Variants in TEX36 observed in about 807,000 individuals in gnomAD.
The protein encoded by TEX36 is testis-expressed protein 36.
A neutral mutation model predicts 13.6 loss-of-function variants in TEX36; 12 were observed. That is an observed-to-expected ratio of 0.88 (90% CI 0.56 to 1.43). The LOEUF (loss-of-function observed/expected upper bound fraction) is 1.43. TEX36 is among the 40% of genes most tolerant of loss of function. The pLI is 0.00. For missense variants in TEX36, 224 were observed against 228.3 expected (o/e 0.98, Z 0.12); for synonymous variants, 93 against 83.0 (o/e 1.12, Z -0.65).
chr10:125,602,783 A>G (rs1846165500), intron 3 of TEX36, among the ~76,000 whole-genome samples: 1 of 152,222 alleles, frequency 6.6e-6, no homozygotes, highest in Non-Finnish European at 1.5e-5. Context: ...ATGTGTTTAT[A>G]TTTCTATGCC....
rs201603866 is a variant in TEX36 at position 125,597,342 on chromosome 10, G to GA, written c.265-20469dup. On this transcript the variant is annotated intron_variant, in intron 3 of 3. Transcript: ENST00000532135. ...CTTGGGTCTGCTCACCCAGTGCACA[G>GA]AAAAAAAAACACTCACATGGGCATT... Among the ~76,000 whole-genome samples, 40 of 150,436 alleles carry GA rather than the reference G, an allele frequency of 2.7e-4. 1 individual carries two copies. In the East Asian group the frequency reaches 3.3e-3, roughly 12 times the overall value.
chr10:125,652,300 T>A (rs1027111548), downstream of TEX36, among the ~76,000 whole-genome samples: 1 of 152,038 alleles, frequency 6.6e-6, no homozygotes, highest in Non-Finnish European at 1.5e-5. Flanking sequence ...TATAGACCAA[T>A]GGAACAGAAC....
At position 125,665,760 on chromosome 10, in the gene TEX36, A is replaced by G. The variant is rs1312765617; in HGVS notation, c.52-3783T>C. On this transcript the variant is annotated intron_variant, in intron 1 of 3. Transcript: ENST00000368821. ...TGTGAAGAATGACATTGGTATTTTG[A>G]TAGAGGTTGCATTGAACCTGTAGAT... is the stretch of plus-strand genomic sequence containing the variant. Among the ~76,000 whole-genome samples the G allele has an allele frequency of 2.0e-5, 3 of 152,188 alleles. No homozygotes were observed. The East Asian group carries it at 5.8e-4, about 29-fold the overall frequency.
At chr10:125,637,239 G>A (rs560066346) in intron 3 of TEX36, among the ~76,000 whole-genome samples, 11 of 151,760 alleles carry the variant, frequency 7.2e-5, no homozygotes, top group African/African-American at 2.7e-4. Flanking sequence ...AGCCTGAGAA[G>A]TCGAGGCTGC....
intron 1 of TEX36, among the ~76,000 whole-genome samples, chr10:125,676,724 G>T (rs972254471): frequency 7.2e-5 from 11 of 152,096 alleles, no homozygotes; most frequent in Admixed American, 7.2e-4. Flanking sequence ...GCTTGTCATT[G>T]TGGTTCGGTG....
chr10:125,641,620 A>G (rs1479637392), intron 3 of TEX36, among the ~76,000 whole-genome samples: 1 of 152,248 alleles, frequency 6.6e-6, no homozygotes, highest in African/African-American at 2.4e-5. Flanking sequence ...GCATTAAAAC[A>G]GAAGAAATCT....
intron 3 of TEX36, chr10:125,640,169 G>A (rs999049113): frequency 4.1e-6 from 4 of 985,298 alleles, no homozygotes; most frequent in African/African-American, 3.5e-5. Context: ...GTGCCCAAGT[G>A]GAGTAGAAAT....
At chr10:125,584,420 T>A (rs1433278) in intron 3 of TEX36, among the ~76,000 whole-genome samples, 3 of 152,126 alleles carry the variant, frequency 2.0e-5, no homozygotes, top group Admixed American at 2.0e-4. Context: ...ATCCTACCCC[T>A]AATTTTAACA....
chr10:125,620,578 G>A (rs925443180), downstream of TEX36, among the ~76,000 whole-genome samples: 1 of 152,262 alleles, frequency 6.6e-6, no homozygotes, highest in African/African-American at 2.4e-5. Flanking sequence ...GCTGGAGCCA[G>A]TGACAGTTGC....
chr10:125,593,482 AT>A (rs1202731039), intron 3 of TEX36, among the ~76,000 whole-genome samples: 1 of 152,216 alleles, frequency 6.6e-6, no homozygotes, highest in Non-Finnish European at 1.5e-5. Flanking sequence ...CATTAGGGTA[AT>A]AAAGTCTTCG....
At chr10:125,674,169 A>C (rs1482310489) in intron 1 of TEX36, among the ~76,000 whole-genome samples, 1 of 152,206 alleles carries the variant, frequency 6.6e-6, no homozygotes, top group African/African-American at 2.4e-5. Context: ...TCAGCAAGAC[A>C]GTCTTCAAGC....
intron 1 of TEX36, among the ~76,000 whole-genome samples, chr10:125,664,707 C>T (rs1847097244): frequency 6.6e-6 from 1 of 152,106 alleles, no homozygotes; most frequent in Admixed American, 6.5e-5. Flanking sequence ...CTGAGGCCTC[C>T]CCAGCCATAC....
downstream of TEX36, chr10:125,655,655 C>T: frequency 8.4e-7 from 1 of 1,186,006 alleles, no homozygotes; most frequent in Non-Finnish European, 1.0e-6. Context: ...GAAAATGTGA[C>T]CGTATATTAA....
rs1039833303 is a variant in TEX36, at chr10:125,614,600, A to G, written c.265-37726T>C. Among the ~76,000 whole-genome samples, 461 of 152,094 alleles carry G rather than the reference A, an allele frequency of 3.0e-3. 2 individuals carry two copies. Among genetic ancestry groups the G allele is most frequent in the Middle Eastern group, 0.02 (6 of 294 alleles). On this transcript the variant is annotated intron_variant, in intron 3 of 3. Coordinates refer to the TEX36 transcript ENST00000532135. The stretch of plus-strand genomic sequence containing the variant: ...AAAGATCAGATAGTTGTAGATATGC[A>G]GCGTTATTTCTGAGGGCTCTGTTCT...
intron 3 of TEX36, among the ~76,000 whole-genome samples, chr10:125,607,632 CAT>C (rs1283662150): frequency 6.6e-6 from 1 of 152,070 alleles, no homozygotes; most frequent in Non-Finnish European, 1.5e-5. Context: ...TCTCAGAACA[CAT>C]GTGTGCTCAC....
chr10:125,580,909 T>C (rs1845874236), intron 3 of TEX36, among the ~76,000 whole-genome samples: 1 of 151,984 alleles, frequency 6.6e-6, no homozygotes. Context: ...TCCTCTATAA[T>C]CTCTAAGGAC....
At chr10:125,666,137 C>G (rs1847117672) in intron 1 of TEX36, among the ~76,000 whole-genome samples, 1 of 152,014 alleles carries the variant, frequency 6.6e-6, no homozygotes, top group African/African-American at 2.4e-5. Flanking sequence ...ATCATGTCCT[C>G]AGCAAAAAGA....
chr10:125,647,776 T>G (rs932877833), intron 3 of TEX36, among the ~76,000 whole-genome samples: 4 of 151,634 alleles, frequency 2.6e-5, no homozygotes, highest in African/African-American at 9.7e-5. Flanking sequence ...GTGACAGATG[T>G]TACCTGGAAA....
At chr10:125,667,767 G>T in intron 1 of TEX36, 1 of 880,014 alleles carries the variant, frequency 1.1e-6, no homozygotes. Context: ...GTCAGCAGCA[G>T]CTGACAGTAG....
Sources: gnomAD v4.1 joint callset for allele counts (sites outside exome capture counted in the v4.1 genomes callset) on GRCh38, gnomAD v4.1.1 for gene constraint, MANE v1.5 for transcripts, NCBI Gene and HGNC (gene_info 2026-07-23, HGNC 2026-07-21) for gene names.